Variants in GYPC observed in about 807,000 individuals in gnomAD.
GYPC encodes glycophorin C (Gerbich blood group).
In GYPC, 14 loss-of-function variants were observed where a neutral mutation model predicts 12.6. The observed-to-expected ratio is 1.11, with a 90% CI of 0.74 to 1.74. The LOEUF is 1.74. Ranked by LOEUF, GYPC falls within the 40% of genes most tolerant of loss-of-function variation. The probability of loss-of-function intolerance (pLI) is 0.00; values close to 1 mark genes in which losing one functional copy is unlikely to be tolerated. For synonymous variants in GYPC, 78 were observed against 62.1 expected, an observed-to-expected ratio of 1.26 and a Z score of -1.20; for missense variants, 225 against 172.1, an observed-to-expected ratio of 1.31 and a Z score of -1.72.
chr2:126,673,805 C>CA (rs1682918480), intron 1 of GYPC, among the ~76,000 whole-genome samples: 1 of 152,196 alleles, frequency 6.6e-6, no homozygotes, highest in African/African-American at 2.4e-5. Context: ...CATGCACACA[C>CA]ACTCACACAC....
chr2:126,695,110 G>A (rs555454028), intron 3 of GYPC, among the ~76,000 whole-genome samples: 2 of 152,190 alleles, frequency 1.3e-5, no homozygotes, highest in East Asian at 3.9e-4. Context: ...GCAGGGTAGG[G>A]TGAGGAGCAG....
At chr2:126,682,503 G>A (rs1683177065) in intron 1 of GYPC, among the ~76,000 whole-genome samples, 1 of 152,120 alleles carries the variant, frequency 6.6e-6, no homozygotes, top group Non-Finnish European at 1.5e-5. Context: ...TGTCAGGGTG[G>A]GGTTCTTGAG....
chr2:126,667,433 C>T (rs567677655), intron 1 of GYPC, among the ~76,000 whole-genome samples: 28 of 145,712 alleles, frequency 1.9e-4, no homozygotes, highest in Non-Finnish European at 3.7e-4. Flanking sequence ...GATGGAGTCT[C>T]GCTCTTGTTG....
intron 1 of GYPC, among the ~76,000 whole-genome samples, chr2:126,670,035 C>T (rs1417678359): frequency 1.3e-5 from 2 of 152,326 alleles, no homozygotes; most frequent in East Asian, 3.9e-4. Context: ...CCTCTCACTG[C>T]CCTGCCTCCT....
chr2:126,660,926 C>A (rs191019027), intron 1 of GYPC, among the ~76,000 whole-genome samples: 40 of 152,310 alleles, frequency 2.6e-4, no homozygotes, highest in Admixed American at 2.5e-3. Flanking sequence ...CCTTCCCCTA[C>A]CCCACCTCCC....
intron 1 of GYPC, among the ~76,000 whole-genome samples, chr2:126,675,915 C>G (rs1682983874): frequency 6.6e-6 from 1 of 152,142 alleles, no homozygotes; most frequent in African/African-American, 2.4e-5. Flanking sequence ...TTATACTTCC[C>G]AAAACAACTC....
intron 1 of GYPC, among the ~76,000 whole-genome samples, chr2:126,677,212 C>T (rs1683014835): frequency 6.6e-6 from 1 of 150,538 alleles, no homozygotes; most frequent in African/African-American, 2.4e-5. Context: ...TGCATGTGTG[C>T]CTGTGTGTGC....
intron 1 of GYPC, among the ~76,000 whole-genome samples, chr2:126,688,568 C>G (rs113005648): frequency 4.6e-5 from 7 of 152,180 alleles, no homozygotes; most frequent in Non-Finnish European, 1.0e-4. Context: ...ATGCTGGATC[C>G]TCTACCCTGC....
rs368055754 is a variant in GYPC, at chr2:126,691,028, T to C, written c.106+717T>C. 4.6e-3 allele frequency among the ~76,000 whole-genome samples: 707 copies of C among 152,098 alleles called. 1 individual carries two copies. Among genetic ancestry groups the C allele is most frequent in the Middle Eastern group, 0.014 (4 of 294 alleles). On this transcript the variant is annotated intron_variant, in intron 2 of 3. Transcript: ENST00000259254. ...TGTAACCTGGCATTCTCCAACTCAT[T>C]GCACCACTGAGCTTTTATTCTTCCT...
chr2:126,677,542 T>TGTGTG (rs1491473658), intron 1 of GYPC, among the ~76,000 whole-genome samples: 49 of 150,514 alleles, frequency 3.3e-4, no homozygotes, highest in African/African-American at 1.2e-3. Flanking sequence ...AGTCTGTGTG[T>TGTGTG]ATGTGAGTGT....
At chr2:126,685,721 C>T (rs549707254) in intron 1 of GYPC, 18 of 932,800 alleles carry the variant, frequency 1.9e-5, no homozygotes, top group Admixed American at 1.9e-4. Context: ...GTAGGTTCCT[C>T]GCAATTGAAC....
At chr2:126,663,673 A>G (rs1023102527) in intron 1 of GYPC, among the ~76,000 whole-genome samples, 21 of 152,178 alleles carry the variant, frequency 1.4e-4, no homozygotes, top group African/African-American at 5.1e-4. Context: ...CAAGGTCTGC[A>G]AAGAGTGCCC....
rs746877682 is a variant in GYPC, at chr2:126,690,232, A to C, written c.50-23A>C. Reference sequence around the variant, plus strand: ...ATGGAGAGTCTTCCTCTCTGACCTCAGATTCTTGTCCTCTGTTCACAGAGC... The same window carrying C: ...ATGGAGAGTCTTCCTCTCTGACCTCCGATTCTTGTCCTCTGTTCACAGAGC... On this transcript the variant is annotated intron_variant, in intron 1 of 3. Coordinates refer to ENST00000259254, the MANE Select transcript of GYPC (RefSeq NM_002101.5). The C allele has an allele frequency of 2.4e-5, 38 of 1,595,850 alleles. No homozygotes were observed. The South Asian group carries it at 4.1e-4, about 17-fold the overall frequency.
intron 1 of GYPC, among the ~76,000 whole-genome samples, chr2:126,663,742 C>T (rs993034000): frequency 6.6e-6 from 1 of 152,222 alleles, no homozygotes; most frequent in Non-Finnish European, 1.5e-5. Flanking sequence ...GACCCTGGTG[C>T]ACTCTAAGCT....
chr2:126,675,682 C>T lies in GYPC; in HGVS notation c.50-14573C>T, dbSNP rs377675410. ...CACCTGTCGTGGCTGTTCGTCACTA[C>T]CCGAGAAAACGCAGACTTCTTAGTC... On this transcript the variant is annotated intron_variant, in intron 1 of 3. Coordinates refer to ENST00000259254, the MANE Select transcript of GYPC (RefSeq NM_002101.5). 2.2e-4 allele frequency: 219 copies of T among 985,148 alleles called. 1 individual carries two copies. In the African/African-American group the frequency reaches 3.5e-3, roughly 16 times the overall value. 61.0% of individuals were successfully genotyped at this position (985,148 alleles called of 1,614,324 possible). A position where few individuals can be genotyped will look rare whatever the true frequency, so the allele number is the denominator to read the frequency against.
At chr2:126,665,490 G>T (rs4663038) in intron 1 of GYPC, among the ~76,000 whole-genome samples, 45,275 of 152,138 alleles carry the variant, frequency 0.3, 7,342 homozygotes, top group East Asian at 0.55. Context: ...GGGAACCACC[G>T]ATTCATGGGA....
rs113587135 is a variant in GYPC at position 126,696,330 on chromosome 2, G to A, written c.*188G>A. ...ACGGAGGAGGACTCGCGCTACAAGA[G>A]GCCACTCCCAGGGACCCAGGGAGGC... is the stretch of plus-strand genomic sequence containing the variant. On this transcript the variant is annotated 3_prime_UTR_variant, in exon 4 of 4. Coordinates refer to ENST00000259254, the MANE Select transcript of GYPC (RefSeq NM_002101.5). The A allele has an allele frequency of 3.5e-3, 2,143 of 618,710 alleles. 6 individuals carry two copies. Among genetic ancestry groups the A allele is most frequent in the Non-Finnish European group, 5.0e-3 (1,715 of 341,998 alleles). 38.3% of individuals were successfully genotyped at this position (618,710 alleles called of 1,614,324 possible).
chr2:126,694,476 T>C (rs1291342895), intron 3 of GYPC, among the ~76,000 whole-genome samples: 1 of 129,550 alleles, frequency 7.7e-6, no homozygotes, highest in African/African-American at 2.9e-5. Context: ...CTCTGCGACC[T>C]TCTTTGAGAT....
chr2:126,656,526 C>T (rs776169512), intron 1 of GYPC, among the ~76,000 whole-genome samples: 1 of 152,254 alleles, frequency 6.6e-6, no homozygotes, highest in Non-Finnish European at 1.5e-5. Flanking sequence ...GTCCCGGACC[C>T]CTACGCGCAG....
Sources: gnomAD v4.1 joint callset for allele counts (sites outside exome capture counted in the v4.1 genomes callset) on GRCh38, gnomAD v4.1.1 for gene constraint, MANE v1.5 for transcripts, NCBI Gene and HGNC (gene_info 2026-07-23, HGNC 2026-07-21) for gene names.